The following RGPD3 variants were observed in gnomAD, a reference collection of about 807,000 sequenced individuals.
RGPD3 encodes RANBP2 like and GRIP domain containing 3.
A neutral mutation model predicts 154.5 loss-of-function variants in RGPD3; 62 were observed. The ratio of observed to expected loss-of-function variants is 0.40; its 90% confidence interval spans 0.33 to 0.50. RGPD3 has a LOEUF of 0.50. Among genes scored for constraint, RGPD3 ranks in the 20% least tolerant of loss-of-function variants. RGPD3 has a pLI of 0.59. For synonymous variants in RGPD3, 308 were observed against 607.0 expected, an observed-to-expected ratio of 0.51 and a Z score of 7.24; for missense variants, 919 against 1,716.8, an observed-to-expected ratio of 0.54 and a Z score of 8.21.
rs751847761 is a variant in RGPD3 at position 106,424,657 on chromosome 2, G to GTTC, written c.3307_3309dup (p.Glu1103dup). ...TGATTAGCACACACTTTTAGTACTT[G>GTTC]TTCTCTTTGCATCAGCATTCTTACT... On this transcript the variant is annotated inframe_insertion, in exon 20 of 23. Transcript: ENST00000409886. The GTTC allele has an allele frequency of 6.2e-7, 1 of 1,611,966 alleles. No homozygotes were observed. Among genetic ancestry groups the GTTC allele is most frequent in the Non-Finnish European group, 8.5e-7 (1 of 1,179,850 alleles).
At chr2:106,416,034 A>T in intron 20 of RGPD3, 45 bp from the exon 21 acceptor site, 1 of 1,601,064 alleles carries the variant, frequency 6.2e-7, no homozygotes, top group Non-Finnish European at 8.5e-7. Flanking sequence ...ATCATACATT[A>T]CAGATGAAGA....
chr2:106,438,226 C>A (rs1677632604), intron 9 of RGPD3, among the ~76,000 whole-genome samples: 1 of 152,200 alleles, frequency 6.6e-6, no homozygotes, highest in East Asian at 1.9e-4. Context: ...CTGTGTCGGG[C>A]TTAATCCCAA....
Position 106,431,590 on chromosome 2 carries a change from T to C in RGPD3, c.2469+1345A>G, listed in dbSNP as rs1216424088. Among the ~76,000 whole-genome samples the C allele has an allele frequency of 7.9e-5, 12 of 152,026 alleles. No homozygotes were observed. The South Asian group carries it at 1.2e-3, about 16-fold the overall frequency. On this transcript the variant is annotated intron_variant, in intron 17 of 22. Coordinates refer to ENST00000409886, the MANE Select transcript of RGPD3 (RefSeq NM_001144013.2). Reference sequence around the variant, plus strand: ...ACCTGTATGTTAAGTCAAAATTGTATGTAATTGTCATAGGCCATGACTACA... The same window carrying C: ...ACCTGTATGTTAAGTCAAAATTGTACGTAATTGTCATAGGCCATGACTACA...
intron 20 of RGPD3, among the ~76,000 whole-genome samples, 159 bp downstream of exon 20, chr2:106,422,884 C>G (rs1432177548): frequency 3.9e-5 from 6 of 152,122 alleles, no homozygotes; most frequent in Middle Eastern, 3.2e-3. Context: ...GAAACCTCAC[C>G]ATGAACTTAT....
At chr2:106,448,083 A>G (rs1245747541) in intron 6 of RGPD3, among the ~76,000 whole-genome samples, 1 of 150,380 alleles carries the variant, frequency 6.6e-6, no homozygotes, top group African/African-American at 2.4e-5. Context: ...TACTATATAG[A>G]TCATTACAGC....
At chr2:106,467,343 A>G (rs866060526) in intron 1 of RGPD3, among the ~76,000 whole-genome samples, 1 of 18,744 alleles carries the variant, frequency 5.3e-5, no homozygotes, top group Non-Finnish European at 1.3e-4. Flanking sequence ...AGGCCGCCGC[A>G]GGGCCAGGTC....
At chr2:106,412,832 A>T (rs1243200510) in intron 22 of RGPD3, 1 of 614,938 alleles carries the variant, frequency 1.6e-6, no homozygotes, top group South Asian at 1.6e-5. Flanking sequence ...TAAAAATCCA[A>T]TTTTCAAAGA....
rs2104459229 is a variant in RGPD3 at position 106,424,701 on chromosome 2, T to C, written c.3266A>G (p.Lys1089Arg). 1 of 1,612,008 alleles carries C rather than the reference T, an allele frequency of 6.2e-7. No individual in the cohort carries two copies. The highest frequency in any genetic ancestry group is 2.2e-5 in the East Asian group (1 of 44,884). The change falls in exon 20 of 23, where the codon AAA becomes AGA. Residue 1089 changes from lysine (K) to arginine (R), a missense_variant. Coordinates refer to ENST00000409886, the MANE Select transcript of RGPD3 (RefSeq NM_001144013.2). The stretch of plus-strand genomic sequence containing the variant: ...TCTTACTTTGCCATTGACCTCGTTT[T>C]TGAGAATTTTTAAGTTCCCCAAGCC... The part of the protein sequence containing the change: ...ERGLGNLKIL[K>R]NEVNGKVRML...
chr2:106,468,919 T>C (rs1446472766), upstream of RGPD3, among the ~76,000 whole-genome samples: 2 of 141,720 alleles, frequency 1.4e-5, no homozygotes, highest in South Asian at 2.3e-4. Context: ...ATGAGACCAG[T>C]ATTTAGTGGT....
intron 18 of RGPD3, among the ~76,000 whole-genome samples, chr2:106,428,568 T>G (rs1677269080): frequency 1.3e-5 from 2 of 150,628 alleles, no homozygotes; most frequent in Non-Finnish European, 3.0e-5. Context: ...GTTATTTTGC[T>G]TGTGTTGAGA....
chr2:106,462,566 A>G (rs1678434428), intron 1 of RGPD3, among the ~76,000 whole-genome samples: 1 of 152,062 alleles, frequency 6.6e-6, no homozygotes, highest in African/African-American at 2.4e-5. Flanking sequence ...AAACAGGAAC[A>G]GTAAGACCCT....
At chr2:106,414,464 T>TA (rs922771459) in intron 21 of RGPD3, among the ~76,000 whole-genome samples, 22 of 149,778 alleles carry the variant, frequency 1.5e-4, no homozygotes, top group African/African-American at 4.9e-4. Flanking sequence ...TCTAGTAAAA[T>TA]AAAAAAAATT....
Position 106,425,144 on chromosome 2 carries a change from A to G in RGPD3, c.2823T>C (p.Leu941=). ...GNQEKKSEKP[L]ENDTGLQAQD... is the part of the protein sequence containing the mutation. ...GAGCCTGTAAGCCAGTATCATTTTC[A>G]AGAGGCTTTTCACTTTTCTTTTCTT... Residue 941 remains leucine (L), a synonymous_variant, in exon 20 of 23, where the codon CTT becomes CTC. Transcript: ENST00000409886. 1 of 1,611,980 alleles carries G rather than the reference A, an allele frequency of 6.2e-7. No individual in the cohort carries two copies. Among genetic ancestry groups the G allele is most frequent in the South Asian group, 1.1e-5 (1 of 90,984 alleles).
At chr2:106,408,917 C>T (rs1676590046) in intron 22 of RGPD3, among the ~76,000 whole-genome samples, 1 of 151,544 alleles carries the variant, frequency 6.6e-6, no homozygotes, top group Non-Finnish European at 1.5e-5. Flanking sequence ...AACTCCTGTT[C>T]TCAAGCAATC....
chr2:106,448,678 T>C (rs1446432449), intron 6 of RGPD3, among the ~76,000 whole-genome samples: 1 of 151,226 alleles, frequency 6.6e-6, no homozygotes, highest in Non-Finnish European at 1.5e-5. Flanking sequence ...TTCTCATGTA[T>C]GTAGAGCTGA....
At chr2:106,466,878 CG>C (rs1558865381) in intron 1 of RGPD3, among the ~76,000 whole-genome samples, 28 of 79,874 alleles carry the variant, frequency 3.5e-4, no homozygotes, top group Admixed American at 6.4e-4. Flanking sequence ...CCATCGAGGC[CG>C]CCGCCGGGCC....
Position 106,403,868 on chromosome 2 carries a change from T to C in RGPD3, c.*1351A>G, listed in dbSNP as rs1241921675. Among the ~76,000 whole-genome samples the C allele has an allele frequency of 2.6e-5, 4 of 152,250 alleles. No homozygotes were observed. Among genetic ancestry groups the C allele is most frequent in the African/African-American group, 9.6e-5 (4 of 41,482 alleles). On this transcript the variant is annotated 3_prime_UTR_variant, in exon 23 of 23. Coordinates refer to ENST00000409886, the MANE Select transcript of RGPD3 (RefSeq NM_001144013.2). ...TGTTCTGTGTAACCAAAGTGCAAAG[T>C]CAGTTCCCCAGCTCAGAAAGAAAAT...
chr2:106,467,727 C>T, intron 1 of RGPD3, among the ~76,000 whole-genome samples: 2 of 142,668 alleles, frequency 1.4e-5, no homozygotes, highest in Non-Finnish European at 3.1e-5. Context: ...GCCGCCGCCT[C>T]AACAGAGCGC....
chr2:106,441,875 A>G (rs1677755016), intron 7 of RGPD3, among the ~76,000 whole-genome samples: 1 of 146,332 alleles, frequency 6.8e-6, no homozygotes, highest in African/African-American at 2.5e-5. Context: ...AAAAAAAAAA[A>G]AAAAAAAAAA....
Sources: allele counts gnomAD v4.1 joint callset (sites outside exome capture counted in the v4.1 genomes callset), GRCh38; gene constraint gnomAD v4.1.1; transcripts MANE v1.5; gene names NCBI Gene and HGNC (gene_info 2026-07-23, HGNC 2026-07-21).